DRD2: variants seen among roughly 807,000 people sequenced by gnomAD.
DRD2 encodes D(2) dopamine receptor.
In DRD2, 8 loss-of-function variants were observed where a neutral mutation model predicts 38.0. That is an observed-to-expected ratio of 0.21 (90% confidence interval 0.12 to 0.38). The LOEUF is 0.38. DRD2 is among the 10% of genes least tolerant of loss of function. The pLI, the probability that DRD2 is intolerant of heterozygous loss-of-function variation, is 1.00. For synonymous variants in DRD2, 230 were observed against 238.6 expected (o/e 0.96, Z 0.33); for missense variants, 403 against 607.7 (o/e 0.66, Z 3.54).
intron 2 of DRD2, 23 bp downstream of exon 2, chr11:113,424,344 G>T: frequency 6.2e-7 from 1 of 1,612,538 alleles, no homozygotes; most frequent in South Asian, 1.1e-5. Flanking sequence ...GAAAGTGCTG[G>T]AGCAAGCAGG....
At chr11:113,433,979 A>G (rs917390292) in intron 1 of DRD2, among the ~76,000 whole-genome samples, 9 of 151,718 alleles carry the variant, frequency 5.9e-5, no homozygotes, top group African/African-American at 1.2e-4. Flanking sequence ...TTGAGTCCCA[A>G]CTCCTAACCC....
intron 1 of DRD2, among the ~76,000 whole-genome samples, chr11:113,472,025 T>C (rs1196289268): frequency 2.0e-5 from 3 of 152,218 alleles, no homozygotes; most frequent in East Asian, 1.9e-4. Context: ...TTCCTAGGTG[T>C]TGAGGCACCT....
intron 1 of DRD2, among the ~76,000 whole-genome samples, chr11:113,445,631 C>T (rs188265038): frequency 4.6e-4 from 70 of 152,326 alleles, no homozygotes; most frequent in African/African-American, 1.6e-3. Flanking sequence ...CCACATGGTG[C>T]TGACTGCGCA....
intron 1 of DRD2, among the ~76,000 whole-genome samples, chr11:113,427,928 C>T (rs535280402): frequency 3.9e-4 from 60 of 152,178 alleles, no homozygotes; most frequent in Admixed American, 2.9e-3. Context: ...ATAAGAGGAG[C>T]TTTGGACATA....
At chr11:113,428,075 C>A (rs967514216) in intron 1 of DRD2, among the ~76,000 whole-genome samples, 1 of 152,182 alleles carries the variant, frequency 6.6e-6, no homozygotes, top group Non-Finnish European at 1.5e-5. Context: ...ACGTCCCAGC[C>A]TCCAGAACTA....
intron 1 of DRD2, among the ~76,000 whole-genome samples, chr11:113,468,723 G>T (rs529515239): frequency 6.6e-6 from 1 of 152,154 alleles, no homozygotes; most frequent in South Asian, 2.1e-4. Flanking sequence ...TTTTTTGTGT[G>T]TTTTAGTAGA....
intron 1 of DRD2, among the ~76,000 whole-genome samples, chr11:113,461,837 G>A (rs946104017): frequency 6.6e-6 from 1 of 152,118 alleles, no homozygotes; most frequent in Non-Finnish European, 1.5e-5. Flanking sequence ...CTGCCCTCAC[G>A]GGGAGCAATT....
chr11:113,420,491 T>G (rs1374032948), intron 2 of DRD2, among the ~76,000 whole-genome samples: 1 of 152,214 alleles, frequency 6.6e-6, no homozygotes, highest in Admixed American at 6.5e-5. Context: ...ACATCTACTG[T>G]GGGCATTGCA....
chr11:113,411,434 T>A (rs1294060009), intron 7 of DRD2: 1 of 153,968 alleles, frequency 6.5e-6, no homozygotes, highest in Non-Finnish European at 1.4e-5. Flanking sequence ...TTCCCCCAAT[T>A]TCCCCAGTCT....
In DRD2 at chr11:113,475,082, G is replaced by A. The variant is rs1347999018; in HGVS notation, c.-38C>T. 6.6e-6 allele frequency: 1 copy of A among 152,110 alleles called. No individual in the cohort carries two copies. The highest frequency in any genetic ancestry group is 1.5e-5 in the Non-Finnish European group (1 of 68,032). The allele number at this position is 152,110 out of a possible 1,614,324, so 9.4% of individuals were successfully genotyped here. On this transcript the variant is annotated 5_prime_UTR_variant, in exon 1 of 8. Coordinates refer to ENST00000362072, the MANE Select transcript of DRD2 (RefSeq NM_000795.4). ...CCATCCGGCCGGTGCTTACCTTCAA[G>A]CCATAGGGCGCCCGGGGGCAGAGAC...
intron 1 of DRD2, among the ~76,000 whole-genome samples, chr11:113,429,791 A>G (rs1950970196): frequency 6.6e-6 from 1 of 151,982 alleles, no homozygotes; most frequent in Non-Finnish European, 1.5e-5. Context: ...TCAAGTCCCA[A>G]CTCTACCATT....
chr11:113,448,549 A>C (rs1951177176), intron 1 of DRD2, among the ~76,000 whole-genome samples: 2 of 152,228 alleles, frequency 1.3e-5, no homozygotes, highest in Admixed American at 6.5e-5. Context: ...TCTTGACAGC[A>C]GTATTAATCA....
Position 113,410,832 on chromosome 11 carries a change from G to A in DRD2, c.1227C>T (p.Ser409=), listed in dbSNP as rs747187574. ...CDCNIPPVLY[S]AFTWLGYVNS... ...TGACATAGCCCAGCCACGTGAAGGCGCTGTACAGGACAGGCGGGATGTTGC... is the reference window on the plus strand; with the variant it reads ...TGACATAGCCCAGCCACGTGAAGGCACTGTACAGGACAGGCGGGATGTTGC... The change falls in exon 8 of 8, where the codon AGC becomes AGT. Residue 409 remains serine, a synonymous_variant. Coordinates refer to ENST00000362072, the MANE Select transcript of DRD2 (RefSeq NM_000795.4). 25 of 1,614,062 alleles carry A rather than the reference G, an allele frequency of 1.5e-5. No individual in the cohort carries two copies. Among genetic ancestry groups the A allele is most frequent in the South Asian group, 3.3e-5 (3 of 91,088 alleles).
intron 6 of DRD2, 49 bp from the exon 7 acceptor site, chr11:113,412,932 C>G: frequency 6.4e-7 from 1 of 1,562,718 alleles, no homozygotes; most frequent in South Asian, 1.2e-5. Context: ...AGTTCCCAGG[C>G]ATCAGCCACC....
intron 1 of DRD2, among the ~76,000 whole-genome samples, chr11:113,459,117 G>C (rs553620438): frequency 6.6e-6 from 1 of 152,124 alleles, no homozygotes; most frequent in Non-Finnish European, 1.5e-5. Context: ...CTGAGTCTCC[G>C]TTTCCTCCTC....
chr11:113,466,157 T>C (rs1008782655), intron 1 of DRD2, among the ~76,000 whole-genome samples: 6 of 152,202 alleles, frequency 3.9e-5, no homozygotes, highest in African/African-American at 1.4e-4. Context: ...CCACTTTGTT[T>C]AACTAAATAA....
chr11:113,461,836 C>T (rs1056838639), intron 1 of DRD2, among the ~76,000 whole-genome samples: 3 of 152,170 alleles, frequency 2.0e-5, no homozygotes, highest in Admixed American at 6.5e-5. Context: ...GCTGCCCTCA[C>T]GGGGAGCAAT....
At chr11:113,413,011 G>T in intron 6 of DRD2, 128 bp from the exon 7 acceptor site, 1 of 1,092,494 alleles carries the variant, frequency 9.2e-7, no homozygotes, top group Non-Finnish European at 1.3e-6. Flanking sequence ...CCCTGCCAGG[G>T]AGGCAAGGAT....
At chr11:113,456,457 G>GGTAC (rs1951269097) in intron 1 of DRD2, among the ~76,000 whole-genome samples, 1 of 151,956 alleles carries the variant, frequency 6.6e-6, no homozygotes, top group Non-Finnish European at 1.5e-5. Flanking sequence ...TGAGGTGATG[G>GGTAC]GTACGTTAAT....
Sources: gnomAD v4.1 joint callset for allele counts (sites outside exome capture counted in the v4.1 genomes callset) on GRCh38, gnomAD v4.1.1 for gene constraint, MANE v1.5 for transcripts, NCBI Gene and HGNC (gene_info 2026-07-23, HGNC 2026-07-21) for gene names.